The following SQLE variants were observed in gnomAD, a reference collection of about 807,000 sequenced individuals.
SQLE encodes squalene epoxidase, also known as squalene monooxygenase.
A neutral mutation model predicts 60.7 loss-of-function variants in SQLE; 29 were observed. The ratio of observed to expected loss-of-function variants is 0.48; its 90% CI spans 0.36 to 0.65. The LOEUF is 0.65. SQLE is among the 30% of genes least tolerant of loss of function. The pLI, the probability that SQLE is intolerant of heterozygous loss-of-function variation, is 0.00. For missense variants in SQLE, 605 were observed against 684.1 expected, an observed-to-expected ratio of 0.88 and a Z score of 1.29; for synonymous variants, 237 against 246.8, an observed-to-expected ratio of 0.96 and a Z score of 0.37.
rs774370909 is a variant in SQLE, at chr8:125,021,942, T to C, written c.1722T>C (p.His574=). The change falls in exon 11 of 11, where the codon CAT becomes CAC. Residue 574 remains histidine, a synonymous_variant. Coordinates refer to ENST00000265896, the MANE Select transcript of SQLE (RefSeq NM_003129.4). ...ACTCAGAAATGAAGTATATGGTTCA[T>C]TAAGCTTAAAGGGGAACCATTTGTG... ...LIYSEMKYMV[H] 6.3e-7 allele frequency: 1 copy of C among 1,590,080 alleles called. No homozygotes were observed. The highest frequency in any genetic ancestry group is 1.8e-5 in the Admixed American group (1 of 56,654).
Position 124,999,341 on chromosome 8 carries a change from C to T in SQLE, c.-63C>T, listed in dbSNP as rs1814802054. 6.9e-6 allele frequency: 10 copies of T among 1,452,052 alleles called. No individual in the cohort carries two copies. In the South Asian group the frequency reaches 1.3e-4, roughly 18 times the overall value. 89.9% of individuals were successfully genotyped at this position (1,452,052 alleles called of 1,614,324 possible). On this transcript the variant is annotated 5_prime_UTR_variant, in exon 1 of 11. Transcript: ENST00000265896. The stretch of plus-strand genomic sequence containing the variant: ...CTTGGTACCTCATTTTGGGGAGAAC[C>T]TTAAACCCACTCGAGCAGATAATCT...
intron 4 of SQLE, among the ~76,000 whole-genome samples, chr8:125,008,728 A>G (rs1814995821): frequency 1.3e-5 from 2 of 152,178 alleles, no homozygotes; most frequent in South Asian, 4.1e-4. Flanking sequence ...GTAATCCCAG[A>G]TGGTTTGCAT....
intron 6 of SQLE, among the ~76,000 whole-genome samples, chr8:125,010,645 A>G (rs1366625092): frequency 2.0e-5 from 3 of 152,216 alleles, no homozygotes; most frequent in Non-Finnish European, 2.9e-5. Context: ...ACATTTCAAT[A>G]AATTTTCATT....
At chr8:125,007,639 T>C (rs1814975797) in intron 4 of SQLE, among the ~76,000 whole-genome samples, 152 bp downstream of exon 4, 1 of 152,254 alleles carries the variant, frequency 6.6e-6, no homozygotes, top group Non-Finnish European at 1.5e-5. Context: ...TTTTTTATTT[T>C]TTTCAGATGT....
At position 125,005,512 on chromosome 8, in the gene SQLE, G is replaced by T; in HGVS notation, c.545-13G>T. 1 of 1,555,204 alleles carries T rather than the reference G, an allele frequency of 6.4e-7. No homozygotes were observed. Among genetic ancestry groups the T allele is most frequent in the Non-Finnish European group, 8.7e-7 (1 of 1,143,792 alleles). On this transcript the variant is annotated splice_polypyrimidine_tract_variant and intron_variant, in intron 2 of 10. Coordinates refer to ENST00000265896, the MANE Select transcript of SQLE (RefSeq NM_003129.4). ...TAACAGAATTGATTGTTTTGAACTC[G>T]ATTGCTTTGCAGATACAGTGGAAGG...
At chr8:125,015,874 A>G (rs1219821131) in intron 7 of SQLE, among the ~76,000 whole-genome samples, 1 of 152,162 alleles carries the variant, frequency 6.6e-6, no homozygotes, top group Admixed American at 6.5e-5. Flanking sequence ...TGGATATACT[A>G]TTGTAGCATA....
intron 2 of SQLE, 68 bp downstream of exon 2, chr8:125,003,496 A>G (rs938443958): frequency 1.7e-5 from 26 of 1,518,356 alleles, no homozygotes; most frequent in East Asian, 2.3e-5. Flanking sequence ...AGACCATCCT[A>G]TGACCAGTAA....
At chr8:125,006,057 A>G (rs914877658) in intron 3 of SQLE, among the ~76,000 whole-genome samples, 3 of 152,250 alleles carry the variant, frequency 2.0e-5, no homozygotes, top group Admixed American at 6.5e-5. Flanking sequence ...ACTTTCTATT[A>G]GAAGTCAGGA....
chr8:125,005,844 A>T, intron 3 of SQLE, 139 bp downstream of exon 3: 1 of 588,196 alleles, frequency 1.7e-6, no homozygotes, highest in Non-Finnish European at 2.6e-6. Context: ...ATAAACTGTC[A>T]GTCAAAAGAG....
chr8:125,004,799 C>A (rs192509567), intron 2 of SQLE, among the ~76,000 whole-genome samples: 4 of 151,718 alleles, frequency 2.6e-5, no homozygotes, highest in African/African-American at 9.7e-5. Flanking sequence ...TTTTAACTTT[C>A]TAATTTTCGG....
Position 125,003,169 on chromosome 8 carries a change from TAAACAGCG to T in SQLE, c.292-6_293del. On this transcript the variant is annotated splice_acceptor_variant and splice_polypyrimidine_tract_variant and coding_sequence_variant and intron_variant, in exon 2 of 11. Coordinates refer to ENST00000265896, the MANE Select transcript of SQLE (RefSeq NM_003129.4). LOFTEE classifies it high-confidence loss of function. Reference sequence around the variant, plus strand: ...GATACCTAGTTTACCTTTTTTTTTTTAAACAGCGCAGAAAAGGAACCAATATTTCAGAA... The same window carrying T: ...GATACCTAGTTTACCTTTTTTTTTTTCAGAAAAGGAACCAATATTTCAGAA... 6.3e-7 allele frequency: 1 copy of T among 1,576,420 alleles called. No homozygotes were observed. Among genetic ancestry groups the T allele is most frequent in the Admixed American group, 1.9e-5 (1 of 51,328 alleles).
intron 9 of SQLE, among the ~76,000 whole-genome samples, chr8:125,019,993 C>A (rs1186144222): frequency 6.6e-6 from 1 of 151,950 alleles, no homozygotes; most frequent in Non-Finnish European, 1.5e-5. Context: ...GAGTTTTGGG[C>A]AAATAAAAAG....
intron 10 of SQLE, among the ~76,000 whole-genome samples, chr8:125,021,520 T>C (rs945106859): frequency 8.9e-5 from 12 of 135,060 alleles, no homozygotes; most frequent in Non-Finnish European, 1.6e-5. Context: ...ATTCTAAGTA[T>C]TTTTTCTTAA....
At chr8:125,008,900 T>G in intron 4 of SQLE, 71 bp from the exon 5 acceptor site, 4 of 1,115,940 alleles carry the variant, frequency 3.6e-6, no homozygotes, top group Non-Finnish European at 5.0e-6. Flanking sequence ...TTCACGCACA[T>G]TTTTTAAGAA....
Position 125,011,643 on chromosome 8 carries a change from T to G in SQLE, c.1204+11T>G. ...CAGTGAAGAAACGAGGTATTATTTTTTGGGCTTATTTTATAAAGGAATCAG... is the reference window on the plus strand; with the variant it reads ...CAGTGAAGAAACGAGGTATTATTTTGTGGGCTTATTTTATAAAGGAATCAG... On this transcript the variant is annotated intron_variant, in intron 7 of 10. Coordinates refer to ENST00000265896, the MANE Select transcript of SQLE (RefSeq NM_003129.4). The G allele has an allele frequency of 1.3e-6, 2 of 1,555,600 alleles. No homozygotes were observed. The highest frequency in any genetic ancestry group is 1.7e-6 in the Non-Finnish European group (2 of 1,147,552).
At chr8:125,013,287 T>C (rs10094264) in intron 7 of SQLE, among the ~76,000 whole-genome samples, 16,754 of 151,838 alleles carry the variant, frequency 0.11, 1,915 homozygotes, top group African/African-American at 0.29. Context: ...GCTTGTGCTT[T>C]TGATGTCATA....
At position 125,018,726 on chromosome 8, in the gene SQLE, T is replaced by A. The variant is rs772859876; in HGVS notation, c.1443T>A (p.Asp481Glu). Residue 481 changes from aspartate to glutamate, a missense_variant and splice_region_variant, in exon 9 of 11, where the codon GAT (aspartate) becomes GAA (glutamate). By Grantham distance (45) the Asp-to-Glu change is conservative. Coordinates refer to ENST00000265896, the MANE Select transcript of SQLE (RefSeq NM_003129.4). ...QALYELFSAT[D>E]DSLHQLRKAC... ...TTTATGAATTATTTTCTGCCACAGA[T>A]GGTAAGTGTAGACACTTTTTAGTGA... 4.4e-6 allele frequency: 7 copies of A among 1,592,440 alleles called. No individual in the cohort carries two copies. The South Asian group carries it at 8.0e-5, about 18-fold the overall frequency.
Position 124,998,923 on chromosome 8 carries a change from A to G in SQLE, c.-481A>G. On this transcript the variant is annotated 5_prime_UTR_variant, in exon 1 of 11. Transcript: ENST00000265896. Reference sequence around the variant, plus strand: ...CTTCCGGCCGCTGCTCGCCGTCGCCAGAGGCTAGGCCACGTTTCCCCCAGT... The same window carrying G: ...CTTCCGGCCGCTGCTCGCCGTCGCCGGAGGCTAGGCCACGTTTCCCCCAGT... 8.4e-6 allele frequency: 3 copies of G among 355,814 alleles called. No homozygotes were observed. The highest frequency in any genetic ancestry group is 8.2e-5 in the South Asian group (1 of 12,144). The allele number at this position is 355,814 out of a possible 1,614,324, so 22.0% of individuals were successfully genotyped here.
At position 125,018,025 on chromosome 8, in the gene SQLE, T is replaced by C. The variant is rs567956520; in HGVS notation, c.1205-34T>C. 14 of 1,607,282 alleles carry C rather than the reference T, an allele frequency of 8.7e-6. No individual in the cohort carries two copies. The South Asian group carries it at 1.6e-4, about 18-fold the overall frequency. On this transcript the variant is annotated intron_variant, in intron 7 of 10. Transcript: ENST00000265896. ...CTTTTTGTTTTGTCTCAAGGGATGCTCTAAAATAAAATCTTCATTACCTCT... is the reference window on the plus strand; with the variant it reads ...CTTTTTGTTTTGTCTCAAGGGATGCCCTAAAATAAAATCTTCATTACCTCT...
Sources: allele counts gnomAD v4.1 joint callset (sites outside exome capture counted in the v4.1 genomes callset), GRCh38; gene constraint gnomAD v4.1.1; transcripts MANE v1.5; gene names NCBI Gene and HGNC (gene_info 2026-07-23, HGNC 2026-07-21).